The following LAMA1 variants were observed in gnomAD, a reference collection of about 807,000 sequenced individuals.
LAMA1 encodes the protein laminin subunit alpha-1.
A neutral mutation model predicts 348.7 loss-of-function variants in LAMA1; 219 were observed. The observed-to-expected ratio is 0.63, with a 90% CI of 0.56 to 0.70. The LOEUF (loss-of-function observed/expected upper bound fraction) is 0.70. LAMA1 is among the 30% of genes least tolerant of loss of function. LAMA1 has a pLI of 0.00. For synonymous variants in LAMA1, 1,487 were observed against 1,491.0 expected (o/e 1.00, Z 0.06); for missense variants, 3,744 against 3,888.0 (o/e 0.96, Z 0.99).
chr18:7,014,573 GAGGAT>G (rs2057877367), intron 22 of LAMA1, among the ~76,000 whole-genome samples: 2 of 39,794 alleles, frequency 5.0e-5, no homozygotes, highest in Non-Finnish European at 1.5e-4. Flanking sequence ...AGTGAGCTTT[GAGGAT>G]ACAGTGAGCT....
At chr18:7,091,947 T>C (rs2058241271) in intron 1 of LAMA1, among the ~76,000 whole-genome samples, 1 of 152,216 alleles carries the variant, frequency 6.6e-6, no homozygotes, top group Non-Finnish European at 1.5e-5. Flanking sequence ...TCCACAGGAT[T>C]AGAGCTACTT....
intron 3 of LAMA1, among the ~76,000 whole-genome samples, chr18:7,075,894 G>C (rs1015560775): frequency 6.6e-6 from 1 of 151,438 alleles, no homozygotes; most frequent in Admixed American, 6.6e-5. Context: ...CCGAGATCAC[G>C]CCAATGCACT....
rs1328509146 is a variant in LAMA1, at chr18:7,007,284, G to A, written c.4123-8C>T. On this transcript the variant is annotated splice_region_variant and splice_polypyrimidine_tract_variant and intron_variant, in intron 28 of 62. Coordinates refer to ENST00000389658, the MANE Select transcript of LAMA1 (RefSeq NM_005559.4). ...GTACCCAGGGGCGCAGTCCTGAGGGGGTGCAAAAGGGAGGACAAAAAAGTC... is the reference window on the plus strand; with the variant it reads ...GTACCCAGGGGCGCAGTCCTGAGGGAGTGCAAAAGGGAGGACAAAAAAGTC... 3 of 1,611,772 alleles carry A rather than the reference G, an allele frequency of 1.9e-6. No homozygotes were observed. Among genetic ancestry groups the A allele is most frequent in the Non-Finnish European group, 2.5e-6 (3 of 1,178,636 alleles).
rs544596965 is a variant in LAMA1 at position 7,078,044 on chromosome 18, A to G, written c.345+1931T>C. ...CAGCCACTGCACTCCAGCCTGGGTA[A>G]TAAGAGTGAAACTCCGTCTCAAAAA... On this transcript the variant is annotated intron_variant, in intron 3 of 62. Coordinates refer to ENST00000389658, the MANE Select transcript of LAMA1 (RefSeq NM_005559.4). Among the ~76,000 whole-genome samples the G allele has an allele frequency of 1.1e-3, 168 of 147,774 alleles. 1 individual carries two copies. Among genetic ancestry groups the G allele is most frequent in the African/African-American group, 4.1e-3 (164 of 39,748 alleles).
intron 32 of LAMA1, 119 bp from the exon 33 acceptor site, chr18:6,998,003 A>G: frequency 1.1e-6 from 1 of 870,578 alleles, no homozygotes; most frequent in Non-Finnish European, 1.9e-6. Flanking sequence ...AGTACACTCC[A>G]AGACCCCGTG....
chr18:7,098,253 C>T (rs371262083), intron 1 of LAMA1, among the ~76,000 whole-genome samples: 1 of 152,308 alleles, frequency 6.6e-6, no homozygotes, highest in Non-Finnish European at 1.5e-5. Context: ...GAGATTGCAG[C>T]CTCTGCCCGG....
At chr18:6,995,470 T>C (rs1445005198) in intron 33 of LAMA1, 24 bp from the exon 34 acceptor site, 1 of 1,207,742 alleles carries the variant, frequency 8.3e-7, no homozygotes, top group Admixed American at 1.7e-5. Flanking sequence ...AGGAAACAAA[T>C]TACAATGCTT....
chr18:6,983,558 C>G (rs2144054150), intron 39 of LAMA1, among the ~76,000 whole-genome samples: 1 of 152,290 alleles, frequency 6.6e-6, no homozygotes, highest in East Asian at 1.9e-4. Context: ...GTTCCAATCC[C>G]CTGCGCGTGT....
In LAMA1 at chr18:7,080,346, C is replaced by A. The variant is rs780617320; in HGVS notation, c.173G>T (p.Gly58Val). 1 of 1,614,234 alleles carries A rather than the reference C, an allele frequency of 6.2e-7. No homozygotes were observed. The highest frequency in any genetic ancestry group is 2.2e-5 in the East Asian group (1 of 44,888). ...GCACTGTGGGTTTCGGACGGGCCGACCTGGCACATGCTCCACAAGTTTGCA... is the reference window on the plus strand; with the variant it reads ...GCACTGTGGGTTTCGGACGGGCCGAACTGGCACATGCTCCACAAGTTTGCA... ...MFCKLVEHVP[G>V]RPVRNPQCRI... The change falls in exon 2 of 63, where the codon GGT becomes GTT. Residue 58 changes from glycine (G) to valine (V), a missense_variant. Transcript: ENST00000389658.
intron 2 of LAMA1, 94 bp from the exon 3 acceptor site, chr18:7,080,181 G>A: frequency 1.3e-6 from 2 of 1,566,060 alleles, no homozygotes; most frequent in South Asian, 2.2e-5. Flanking sequence ...ACAAAGAGCA[G>A]TGAAGGTGAA....
At position 7,050,951 on chromosome 18, in the gene LAMA1, C is replaced by T. The variant is rs1223567116; in HGVS notation, c.346-15G>A. On this transcript the variant is annotated splice_polypyrimidine_tract_variant and intron_variant, in intron 3 of 62. Coordinates refer to ENST00000389658, the MANE Select transcript of LAMA1 (RefSeq NM_005559.4). ...ACTTGAAAGACCTGAAACAAAGACACTGAAAAGTCTCAATCCAGAATCAAT... is the reference window on the plus strand; with the variant it reads ...ACTTGAAAGACCTGAAACAAAGACATTGAAAAGTCTCAATCCAGAATCAAT... 9 of 1,613,634 alleles carry T rather than the reference C, an allele frequency of 5.6e-6. No homozygotes were observed. The highest frequency in any genetic ancestry group is 1.3e-5 in the African/African-American group (1 of 74,876).
chr18:7,098,347 C>G (rs995144864), intron 1 of LAMA1, among the ~76,000 whole-genome samples: 1 of 151,274 alleles, frequency 6.6e-6, no homozygotes, highest in Non-Finnish European at 1.5e-5. Context: ...GCCTGGCTGC[C>G]CAGTCTGGAA....
intron 39 of LAMA1, among the ~76,000 whole-genome samples, chr18:6,983,852 G>A (rs141849255): frequency 5.3e-5 from 8 of 152,098 alleles, no homozygotes; most frequent in Non-Finnish European, 1.0e-4. Flanking sequence ...TCTGGCAATG[G>A]GCACATCTTT....
chr18:7,096,378 T>C (rs1288302436), intron 1 of LAMA1, among the ~76,000 whole-genome samples: 1 of 152,218 alleles, frequency 6.6e-6, no homozygotes, highest in Non-Finnish European at 1.5e-5. Context: ...AAGGTCTCCA[T>C]ATCAATTACA....
In LAMA1 at chr18:7,036,032, C is replaced by T. The variant is rs2057993093; in HGVS notation, c.1794G>A (p.Glu598=). 1.2e-6 allele frequency: 2 copies of T among 1,614,114 alleles called. No individual in the cohort carries two copies. The highest frequency in any genetic ancestry group is 1.7e-5 in the Admixed American group (1 of 60,016). Reference sequence around the variant, plus strand: ...GCGACATGAGGTTACTGTCTACCGTCTCTACCGGAATATCGTAGGACACCG... The same window carrying T: ...GCGACATGAGGTTACTGTCTACCGTTTCTACCGGAATATCGTAGGACACCG... ...KYTVSYDIPV[E]TVDSNLMSHA... The change falls in exon 13 of 63, where the codon GAG becomes GAA. Residue 598 remains glutamate, a synonymous_variant. Coordinates refer to ENST00000389658, the MANE Select transcript of LAMA1 (RefSeq NM_005559.4).
chr18:6,961,985 A>G lies in LAMA1; in HGVS notation c.7412T>C (p.Leu2471Pro). The part of the protein sequence containing the change: ...LEISRSTFDL[L>P]RNSYGVRKGC... ...TTTTCTCACTCCATAGGAATTTCTG[A>G]GTAAGTCAAAGGTTGATCTGGATAT... Residue 2471 changes from leucine (L) to proline (P), a missense_variant, in exon 52 of 63, where the codon CTC (leucine) becomes CCC (proline). Transcript: ENST00000389658. 1 of 1,614,178 alleles carries G rather than the reference A, an allele frequency of 6.2e-7. No individual in the cohort carries two copies. The highest frequency in any genetic ancestry group is 8.5e-7 in the Non-Finnish European group (1 of 1,180,024).
At chr18:7,007,705 C>A (rs1348647954) in intron 28 of LAMA1, among the ~76,000 whole-genome samples, 1 of 152,122 alleles carries the variant, frequency 6.6e-6, no homozygotes, top group Non-Finnish European at 1.5e-5. Context: ...CGGCATTATT[C>A]ACAATAGCCA....
At chr18:6,983,686 A>G (rs914552647) in intron 39 of LAMA1, among the ~76,000 whole-genome samples, 1 of 152,230 alleles carries the variant, frequency 6.6e-6, no homozygotes, top group Admixed American at 6.5e-5. Flanking sequence ...CTAATGGCAT[A>G]CGACAATTTT....
intron 3 of LAMA1, among the ~76,000 whole-genome samples, chr18:7,072,039 A>G (rs964425485): frequency 1.3e-5 from 2 of 152,128 alleles, no homozygotes; most frequent in African/African-American, 2.4e-5. Flanking sequence ...ATTGTTACAG[A>G]GCGAAGAGAT....
Sources: gnomAD v4.1 joint callset for allele counts (sites outside exome capture counted in the v4.1 genomes callset) on GRCh38, gnomAD v4.1.1 for gene constraint, MANE v1.5 for transcripts, NCBI Gene and HGNC (gene_info 2026-07-23, HGNC 2026-07-21) for gene names.